The following MARCHF1 variants were observed in gnomAD, a reference collection of about 807,000 sequenced individuals.
MARCHF1 encodes E3 ubiquitin-protein ligase MARCHF1.
In MARCHF1, 40 loss-of-function variants were observed where a neutral mutation model predicts 54.2. The observed-to-expected ratio is 0.74, with a 90% CI of 0.57 to 0.96. The LOEUF is 0.96. MARCHF1 is among the 40% of genes least tolerant of loss of function. The pLI, the probability that MARCHF1 is intolerant of heterozygous loss-of-function variation, is 0.00. For synonymous variants in MARCHF1, 236 were observed against 236.3 expected (o/e 1.00, Z 0.01); for missense variants, 586 against 656.5 (o/e 0.89, Z 1.17).
At chr4:163,575,594 G>T (rs1204531454) in intron 8 of MARCHF1, among the ~76,000 whole-genome samples, 2 of 151,554 alleles carry the variant, frequency 1.3e-5, no homozygotes, top group Admixed American at 1.3e-4. Context: ...GTCCCTCCTC[G>T]ATTTTTGGGG....
intron 2 of MARCHF1, among the ~76,000 whole-genome samples, chr4:164,050,569 A>G (rs993413444): frequency 6.6e-6 from 1 of 152,110 alleles, no homozygotes; most frequent in Non-Finnish European, 1.5e-5. Context: ...GCTACTCAAA[A>G]CATGCTTCGT....
chr4:164,213,610 A>G (rs1731842526), intron 1 of MARCHF1, among the ~76,000 whole-genome samples: 1 of 152,108 alleles, frequency 6.6e-6, no homozygotes, highest in Admixed American at 6.5e-5. Context: ...TAAGATAGGT[A>G]TATGCTAATA....
intron 5 of MARCHF1, among the ~76,000 whole-genome samples, chr4:163,690,337 AAAG>A (rs1344122630): frequency 2.6e-5 from 4 of 152,242 alleles, no homozygotes; most frequent in African/African-American, 9.6e-5. Context: ...TTAAACATTC[AAAG>A]AAGACTGTAT....
chr4:163,832,118 T>A (rs1749041708), intron 4 of MARCHF1, among the ~76,000 whole-genome samples: 1 of 152,292 alleles, frequency 6.6e-6, no homozygotes, highest in Non-Finnish European at 1.5e-5. Flanking sequence ...AAAAGGTATA[T>A]AAGGCAGATT....
intron 3 of MARCHF1, among the ~76,000 whole-genome samples, chr4:163,904,084 T>C (rs1751002973): frequency 6.6e-6 from 1 of 152,222 alleles, no homozygotes; most frequent in Non-Finnish European, 1.5e-5. Context: ...TTTGTCATAC[T>C]TATAAGAATT....
intron 3 of MARCHF1, among the ~76,000 whole-genome samples, chr4:163,920,152 T>A (rs1263096960): frequency 1.3e-5 from 2 of 152,302 alleles, no homozygotes; most frequent in Middle Eastern, 3.4e-3. Context: ...AAGCACTTAG[T>A]GGCTTCCTGG....
intron 4 of MARCHF1, among the ~76,000 whole-genome samples, chr4:163,730,670 T>C (rs1745799585): frequency 6.6e-6 from 1 of 152,074 alleles, no homozygotes; most frequent in Non-Finnish European, 1.5e-5. Flanking sequence ...TGCACCTACT[T>C]TTTTATTTTT....
intron 1 of MARCHF1, among the ~76,000 whole-genome samples, chr4:164,179,324 C>G (rs1374858719): frequency 6.6e-6 from 1 of 152,106 alleles, no homozygotes; most frequent in African/African-American, 2.4e-5. Context: ...ATAATAGACA[C>G]CATTTGTCAC....
In MARCHF1 at chr4:163,991,733, C is replaced by G. The variant is rs1047148638; in HGVS notation, c.-247-3024G>C. Among the ~76,000 whole-genome samples, 2 of 152,256 alleles carry G rather than the reference C, an allele frequency of 1.3e-5. 1 individual carries two copies. The highest frequency in any genetic ancestry group is 4.1e-4 in the South Asian group (2 of 4,834). On this transcript the variant is annotated intron_variant, in intron 2 of 9. Transcript: ENST00000514618. ...ACTTGATTTTTGTGGAAACTATGGA[C>G]TATAATTACTGTTGAAATCATCCTG...
intron 4 of MARCHF1, among the ~76,000 whole-genome samples, chr4:163,726,042 T>C (rs529566065): frequency 1.3e-5 from 2 of 152,286 alleles, no homozygotes; most frequent in East Asian, 3.9e-4. Context: ...ATTTCCCTTA[T>C]ATCCCCCATC....
chr4:164,003,951 C>G lies in MARCHF1; in HGVS notation c.-247-15242G>C, dbSNP rs9994929. Among the ~76,000 whole-genome samples the G allele has an allele frequency of 5.7e-4, 87 of 152,024 alleles. 2 individuals carry two copies. Among genetic ancestry groups the G allele is most frequent in the African/African-American group, 2.1e-3 (87 of 41,402 alleles). On this transcript the variant is annotated intron_variant, in intron 2 of 9. Transcript: ENST00000514618. ...TATATATACACCATGGAATACTATG[C>G]AGCCATAAAAAGAATGAGATCATGT...
rs942128077 is a variant in MARCHF1, at chr4:164,302,336, G to C, written c.-323+81534C>G. 4.1e-5 allele frequency among the ~76,000 whole-genome samples: 6 copies of C among 144,900 alleles called. No homozygotes were observed. The South Asian group carries it at 1.2e-3, about 30-fold the overall frequency. On this transcript the variant is annotated intron_variant, in intron 1 of 9. Coordinates refer to ENST00000514618, the MANE Select transcript of MARCHF1 (RefSeq NM_001394959.1). ...ACACTGTTCCATTGTTCCAACACAT[G>C]ACAAGTAAAATTTATAAGTGGTATA... is the stretch of plus-strand genomic sequence containing the variant.
intron 4 of MARCHF1, among the ~76,000 whole-genome samples, chr4:163,825,372 T>C (rs116746265): frequency 1.4e-3 from 220 of 152,174 alleles, no homozygotes; most frequent in Non-Finnish European, 2.5e-3. Flanking sequence ...GTTCCATAGC[T>C]TTGCTGTTGT....
intron 1 of MARCHF1, among the ~76,000 whole-genome samples, chr4:164,292,152 T>C (rs892219759): frequency 1.3e-5 from 2 of 152,154 alleles, no homozygotes; most frequent in Non-Finnish European, 2.9e-5. Flanking sequence ...TGTGATTTCT[T>C]ACCACTTAGA....
intron 3 of MARCHF1, among the ~76,000 whole-genome samples, chr4:163,910,642 C>T (rs184398893): frequency 6.6e-6 from 1 of 152,054 alleles, no homozygotes; most frequent in Admixed American, 6.6e-5. Flanking sequence ...TTACTGGCAC[C>T]CACCACCATG....
intron 1 of MARCHF1, among the ~76,000 whole-genome samples, chr4:164,341,906 T>C (rs2110847195): frequency 6.6e-6 from 1 of 152,240 alleles, no homozygotes; most frequent in South Asian, 2.1e-4. Flanking sequence ...AAATCAACAT[T>C]CAAAAAATTT....
At chr4:163,584,512 C>T (rs1208158096) in intron 8 of MARCHF1, 1 of 152,122 alleles carries the variant, frequency 6.6e-6, no homozygotes, top group Non-Finnish European at 1.5e-5. Flanking sequence ...GGCATTGACA[C>T]CTCTGGGCCC....
chr4:163,992,247 A>G (rs1752982381), intron 2 of MARCHF1, among the ~76,000 whole-genome samples: 1 of 152,090 alleles, frequency 6.6e-6, no homozygotes, highest in African/African-American at 2.4e-5. Flanking sequence ...TGTTTTCTGA[A>G]CCATGCTAGG....
chr4:164,081,709 TAC>T (rs145723294), intron 2 of MARCHF1, among the ~76,000 whole-genome samples: 8 of 151,118 alleles, frequency 5.3e-5, no homozygotes, highest in Admixed American at 1.3e-4. Context: ...TGCATGCATA[TAC>T]ACACACACAC....
Sources: allele counts gnomAD v4.1 joint callset (sites outside exome capture counted in the v4.1 genomes callset), GRCh38; gene constraint gnomAD v4.1.1; transcripts MANE v1.5; gene names NCBI Gene and HGNC (gene_info 2026-07-23, HGNC 2026-07-21).